The following NKAIN3 variants were observed in gnomAD, a reference collection of about 807,000 sequenced individuals.
NKAIN3 encodes the protein sodium/potassium-transporting ATPase subunit beta-1-interacting protein 3.
A neutral mutation model predicts 30.2 loss-of-function variants in NKAIN3; 25 were observed. The ratio of observed to expected loss-of-function variants is 0.83; its 90% CI spans 0.60 to 1.16. NKAIN3 has a LOEUF of 1.16. Ranked by LOEUF, NKAIN3 falls within the 50% of genes most tolerant of loss-of-function variation. The pLI is 0.00. For synonymous variants in NKAIN3, 91 were observed against 89.6 expected, an observed-to-expected ratio of 1.02 and a Z score of -0.09; for missense variants, 225 against 254.1, an observed-to-expected ratio of 0.89 and a Z score of 0.78.
rs58139285 is a variant in NKAIN3 at position 62,753,232 on chromosome 8, ACG to A, written c.471+6105_471+6106del. ...TGCACACACACACACACACACACAC[ACG>A]CACGCACGCACAGTATAGCATTTCC... On this transcript the variant is annotated intron_variant, in intron 4 of 6. Coordinates refer to ENST00000623646, the MANE Select transcript of NKAIN3 (RefSeq NM_001304533.3). 6.5e-3 allele frequency among the ~76,000 whole-genome samples: 976 copies of A among 149,528 alleles called. 6 individuals carry two copies. The highest frequency in any genetic ancestry group is 8.1e-3 in the Non-Finnish European group (547 of 67,726).
intron 5 of NKAIN3, among the ~76,000 whole-genome samples, chr8:62,934,167 T>A (rs1274729002): frequency 6.6e-6 from 1 of 152,166 alleles, no homozygotes; most frequent in Admixed American, 6.5e-5. Flanking sequence ...GAAAGATCTC[T>A]TGAGGCCAGA....
At chr8:62,337,413 A>G (rs1469595147) in intron 1 of NKAIN3, among the ~76,000 whole-genome samples, 1 of 151,958 alleles carries the variant, frequency 6.6e-6, no homozygotes, top group Non-Finnish European at 1.5e-5. Flanking sequence ...CAGATATGAA[A>G]GCAATTTTCT....
intron 3 of NKAIN3, among the ~76,000 whole-genome samples, chr8:62,735,111 G>A (rs879742473): frequency 6.6e-6 from 1 of 152,088 alleles, no homozygotes; most frequent in Non-Finnish European, 1.5e-5. Context: ...AATTTCTCAG[G>A]TGTTTTTTGA....
chr8:62,752,987 A>G (rs754284737), intron 4 of NKAIN3, among the ~76,000 whole-genome samples: 5 of 152,176 alleles, frequency 3.3e-5, no homozygotes, highest in Admixed American at 2.0e-4. Flanking sequence ...CCAAGATTGT[A>G]ACTCTATCTT....
At chr8:62,873,149 G>C (rs1057044611) in intron 4 of NKAIN3, among the ~76,000 whole-genome samples, 1 of 152,040 alleles carries the variant, frequency 6.6e-6, no homozygotes, top group Non-Finnish European at 1.5e-5. Flanking sequence ...AGGAAAATTT[G>C]CCAAGCAGAT....
At chr8:62,697,613 T>A (rs749817573) in intron 3 of NKAIN3, among the ~76,000 whole-genome samples, 9 of 152,180 alleles carry the variant, frequency 5.9e-5, no homozygotes, top group Non-Finnish European at 1.0e-4. Context: ...ACATCTAGAA[T>A]CTCCCAACTT....
At chr8:62,346,773 A>C (rs544712045) in intron 1 of NKAIN3, among the ~76,000 whole-genome samples, 5 of 152,154 alleles carry the variant, frequency 3.3e-5, no homozygotes, top group African/African-American at 4.8e-5. Context: ...ACTGCAAACT[A>C]TAAGAGTTAG....
At chr8:62,429,834 A>T (rs1049112174) in intron 1 of NKAIN3, among the ~76,000 whole-genome samples, 3 of 151,834 alleles carry the variant, frequency 2.0e-5, no homozygotes, top group Non-Finnish European at 2.9e-5. Flanking sequence ...TGTGATAAAT[A>T]TATACGTAAC....
chr8:62,615,340 C>G (rs1359130250), intron 3 of NKAIN3, among the ~76,000 whole-genome samples: 1 of 152,062 alleles, frequency 6.6e-6, no homozygotes, highest in Non-Finnish European at 1.5e-5. Flanking sequence ...AGCTGGTTTC[C>G]TAGAAGCAAG....
At position 62,973,006 on chromosome 8, in the gene NKAIN3, A is replaced by AT. The variant is rs1379680990; in HGVS notation, c.*7605dup. Reference sequence around the variant, plus strand: ...ATGTCCCTGCAAAGGACATTAACTCATTTTTTATGGCTGCATAGTATTCCA... The same window carrying AT: ...ATGTCCCTGCAAAGGACATTAACTCATTTTTTTATGGCTGCATAGTATTCCA... On this transcript the variant is annotated 3_prime_UTR_variant, in exon 7 of 7. Coordinates refer to ENST00000623646, the MANE Select transcript of NKAIN3 (RefSeq NM_001304533.3). Among the ~76,000 whole-genome samples the AT allele has an allele frequency of 6.6e-6, 1 of 151,698 alleles. No individual in the cohort carries two copies. Among genetic ancestry groups the AT allele is most frequent in the Admixed American group, 6.6e-5 (1 of 15,206 alleles).
intron 4 of NKAIN3, among the ~76,000 whole-genome samples, chr8:62,851,460 C>T (rs1262301774): frequency 6.6e-6 from 1 of 152,166 alleles, no homozygotes; most frequent in Non-Finnish European, 1.5e-5. Context: ...CCTTCTCCTG[C>T]CTGATTGCCC....
At chr8:62,338,241 C>T (rs1815631046) in intron 1 of NKAIN3, among the ~76,000 whole-genome samples, 1 of 151,468 alleles carries the variant, frequency 6.6e-6, no homozygotes, top group Admixed American at 6.6e-5. Context: ...TGTTTAGAAA[C>T]TATATTCATG....
At chr8:62,481,319 T>G (rs936312940) in intron 1 of NKAIN3, among the ~76,000 whole-genome samples, 2 of 152,186 alleles carry the variant, frequency 1.3e-5, no homozygotes, top group Non-Finnish European at 2.9e-5. Context: ...ATCCTCCATT[T>G]GTCTAGCCAT....
intron 1 of NKAIN3, among the ~76,000 whole-genome samples, chr8:62,295,912 A>C (rs1355846941): frequency 6.6e-6 from 1 of 152,196 alleles, no homozygotes; most frequent in Non-Finnish European, 1.5e-5. Flanking sequence ...GCCTTCATAA[A>C]ATTACATTTC....
At chr8:62,669,442 C>A (rs1364479373) in intron 3 of NKAIN3, among the ~76,000 whole-genome samples, 1 of 152,134 alleles carries the variant, frequency 6.6e-6, no homozygotes, top group African/African-American at 2.4e-5. Context: ...GTGACCCAGG[C>A]CATGGTCACT....
rs541583724 is a variant in NKAIN3, at chr8:62,963,156, G to C, written c.604-2198G>C. 2.6e-4 allele frequency among the ~76,000 whole-genome samples: 39 copies of C among 152,322 alleles called. No homozygotes were observed. The East Asian group carries it at 6.9e-3, about 27-fold the overall frequency. ...GATCCACCAGACTCAGCCTCCCAAA[G>C]TGCTGAGGTTACAGGCGTGAGCCAC... On this transcript the variant is annotated intron_variant, in intron 6 of 6. Coordinates refer to ENST00000623646, the MANE Select transcript of NKAIN3 (RefSeq NM_001304533.3).
intron 4 of NKAIN3, among the ~76,000 whole-genome samples, chr8:62,807,199 C>G (rs1316088474): frequency 2.0e-5 from 3 of 152,108 alleles, no homozygotes; most frequent in African/African-American, 7.2e-5. Context: ...AACATATACC[C>G]TTGTATCCAA....
intron 4 of NKAIN3, among the ~76,000 whole-genome samples, chr8:62,775,027 A>C (rs1015371517): frequency 5.9e-5 from 9 of 152,216 alleles, no homozygotes; most frequent in Middle Eastern, 6.8e-3. Flanking sequence ...TGAAGCTATC[A>C]CGTCCCAAGC....
intron 1 of NKAIN3, among the ~76,000 whole-genome samples, chr8:62,420,645 A>ATTTAGGTTTTTAG (rs1804607168): frequency 6.6e-6 from 1 of 152,162 alleles, no homozygotes; most frequent in East Asian, 1.9e-4. Flanking sequence ...GTGTGAAACT[A>ATTTAGGTTTTTAG]CTCAAATAGC....
Sources: allele counts gnomAD v4.1 joint callset (sites outside exome capture counted in the v4.1 genomes callset), GRCh38; gene constraint gnomAD v4.1.1; transcripts MANE v1.5; gene names NCBI Gene and HGNC (gene_info 2026-07-23, HGNC 2026-07-21).